The following SLC41A3 variants were observed in gnomAD, a reference collection of about 807,000 sequenced individuals.
SLC41A3 encodes SLC41A1-like 2.
In SLC41A3, 44 loss-of-function variants were observed where a neutral mutation model predicts 45.4. The ratio of observed to expected loss-of-function variants is 0.97; its 90% confidence interval spans 0.76 to 1.25. SLC41A3 has a LOEUF of 1.25. Ranked by LOEUF, SLC41A3 falls within the 50% of genes most tolerant of loss-of-function variation. SLC41A3 has a pLI of 0.00. For missense variants in SLC41A3, 550 were observed against 600.6 expected, an observed-to-expected ratio of 0.92 and a Z score of 0.88; for synonymous variants, 256 against 252.4, an observed-to-expected ratio of 1.01 and a Z score of -0.13.
chr3:126,082,549 C>G (rs926043558), intron 1 of SLC41A3, among the ~76,000 whole-genome samples: 2 of 152,204 alleles, frequency 1.3e-5, no homozygotes, highest in African/African-American at 4.8e-5. Context: ...GGCCACAGTT[C>G]AGAGCCACGC....
intron 1 of SLC41A3, among the ~76,000 whole-genome samples, chr3:126,079,247 C>CAT (rs1491429929): frequency 6.8e-6 from 1 of 147,946 alleles, no homozygotes; most frequent in African/African-American, 2.5e-5. Context: ...CACCCACACA[C>CAT]GATCAGGGAT....
intron 3 of SLC41A3, among the ~76,000 whole-genome samples, chr3:126,036,942 C>CA (rs1247073940): frequency 1.2e-4 from 18 of 152,298 alleles, no homozygotes; most frequent in Admixed American, 4.6e-4. Context: ...ACATACCCTG[C>CA]ACCCAACCTC....
At chr3:126,099,824 G>C (rs1451379812) in intron 1 of SLC41A3, among the ~76,000 whole-genome samples, 1 of 152,224 alleles carries the variant, frequency 6.6e-6, no homozygotes, top group Non-Finnish European at 1.5e-5. Flanking sequence ...CTGATACCCA[G>C]AGTCTGTCAC....
intron 4 of SLC41A3, among the ~76,000 whole-genome samples, chr3:126,030,873 T>G (rs1165752901): frequency 6.6e-6 from 1 of 152,098 alleles, no homozygotes; most frequent in South Asian, 2.1e-4. Flanking sequence ...TTGAAGGGGG[T>G]CAATGTTGGT....
intron 1 of SLC41A3, among the ~76,000 whole-genome samples, chr3:126,096,227 T>C: frequency 6.6e-6 from 1 of 152,232 alleles, no homozygotes; most frequent in East Asian, 1.9e-4. Flanking sequence ...CTCTGTGATT[T>C]CAATGATTAT....
chr3:126,021,180 C>A (rs1326560599), intron 6 of SLC41A3, among the ~76,000 whole-genome samples: 1 of 152,210 alleles, frequency 6.6e-6, no homozygotes, highest in Non-Finnish European at 1.5e-5. Context: ...AGGCGTGAGC[C>A]ACCGCGCCTG....
intron 1 of SLC41A3, among the ~76,000 whole-genome samples, chr3:126,099,815 T>G (rs781602099): frequency 6.6e-6 from 1 of 152,254 alleles, no homozygotes; most frequent in Non-Finnish European, 1.5e-5. Context: ...GCGTTATAAC[T>G]GATACCCAGA....
At chr3:126,080,810 G>A (rs2108090664) in intron 1 of SLC41A3, among the ~76,000 whole-genome samples, 1 of 152,272 alleles carries the variant, frequency 6.6e-6, no homozygotes, top group South Asian at 2.1e-4. Context: ...AATTAGCTGG[G>A]TGTGGTGACA....
intron 8 of SLC41A3, among the ~76,000 whole-genome samples, chr3:126,013,720 T>C (rs1167214915): frequency 1.3e-5 from 2 of 152,132 alleles, no homozygotes; most frequent in African/African-American, 2.4e-5. Context: ...CTGCATGATT[T>C]CAATTTGTGG....
chr3:126,051,159 C>G, intron 2 of SLC41A3, 109 bp from the exon 3 acceptor site: 1 of 1,236,306 alleles, frequency 8.1e-7, no homozygotes, highest in Non-Finnish European at 1.1e-6. Flanking sequence ...ATAAAATGAA[C>G]AAATAGGACT....
In SLC41A3 at chr3:126,016,875, T is replaced by G; in HGVS notation, c.746A>C (p.Asp249Ala). 3 of 1,611,342 alleles carry G rather than the reference T, an allele frequency of 1.9e-6. No homozygotes were observed. Among genetic ancestry groups the G allele is most frequent in the Non-Finnish European group, 2.5e-6 (3 of 1,179,744 alleles). The part of the protein sequence containing the change: ...LVSSFFYRHK[D>A]SRYLTPLVCL... ...GACCAGCGGCGTCAGATACCGACTA[T>G]CTGAAAGGAGAACAGGGACACACGC... Residue 249 changes from aspartate to alanine, a missense_variant and splice_region_variant, in exon 7 of 11, where the codon GAT becomes GCT. Physicochemically the swap from Asp to Ala is moderately radical, Grantham distance 126. Coordinates refer to ENST00000360370, the MANE Select transcript of SLC41A3 (RefSeq NM_017836.4).
chr3:126,084,869 G>A (rs566638033), upstream of SLC41A3, among the ~76,000 whole-genome samples: 83 of 152,324 alleles, frequency 5.4e-4, no homozygotes, highest in African/African-American at 1.9e-3. Flanking sequence ...CTGAAAAACT[G>A]GTTCAGGCCA....
intron 6 of SLC41A3, among the ~76,000 whole-genome samples, chr3:126,017,080 C>T (rs1457946877): frequency 2.0e-5 from 3 of 152,212 alleles, no homozygotes; most frequent in African/African-American, 7.2e-5. Flanking sequence ...ATTCCTGCCA[C>T]ATTCAACTCC....
At chr3:126,008,359 C>CTGTGTGGTGTGGAG (rs1327333531) in intron 10 of SLC41A3, among the ~76,000 whole-genome samples, 15 of 151,630 alleles carry the variant, frequency 9.9e-5, no homozygotes, top group Admixed American at 2.6e-4. Context: ...GTGGTGTGCA[C>CTGTGTGGTGTGGAG]TGTGTGGTGT....
At chr3:126,051,079 C>A in intron 2 of SLC41A3, 29 bp from the exon 3 acceptor site, 1 of 1,549,252 alleles carries the variant, frequency 6.5e-7, no homozygotes, top group Non-Finnish European at 8.7e-7. Flanking sequence ...GGAGATAAGC[C>A]AAACACACAC....
intron 1 of SLC41A3, among the ~76,000 whole-genome samples, chr3:126,099,541 G>A (rs891414339): frequency 2.4e-4 from 36 of 152,160 alleles, no homozygotes; most frequent in East Asian, 7.7e-4. Context: ...GTGAAACCCC[G>A]TCTCTACTAA....
At chr3:126,091,347 T>C (rs1181008676) in intron 1 of SLC41A3, among the ~76,000 whole-genome samples, 1 of 152,146 alleles carries the variant, frequency 6.6e-6, no homozygotes, top group Non-Finnish European at 1.5e-5. Flanking sequence ...GTTTTATACA[T>C]TTTAGGGAAA....
At chr3:126,025,579 G>A (rs1030923960) in intron 5 of SLC41A3, 3 of 152,144 alleles carry the variant, frequency 2.0e-5, no homozygotes, top group African/African-American at 7.2e-5. Flanking sequence ...ACAAGGTGAG[G>A]AGGTGGCGCC....
chr3:126,059,668 G>A (rs558677004), intron 2 of SLC41A3, among the ~76,000 whole-genome samples: 5 of 152,274 alleles, frequency 3.3e-5, no homozygotes, highest in African/African-American at 4.8e-5. Flanking sequence ...ATCACTGCCC[G>A]TCATCCATGG....
Sources: gnomAD v4.1 joint callset for allele counts (sites outside exome capture counted in the v4.1 genomes callset) on GRCh38, gnomAD v4.1.1 for gene constraint, MANE v1.5 for transcripts, NCBI Gene and HGNC (gene_info 2026-07-23, HGNC 2026-07-21) for gene names.